Variants in MAST2 observed in about 807,000 individuals in gnomAD.
The protein encoded by MAST2 is microtubule-associated serine/threonine-protein kinase 2.
In MAST2, 70 loss-of-function variants were observed where a neutral mutation model predicts 147.4. The observed-to-expected ratio is 0.47, with a 90% confidence interval of 0.39 to 0.58. MAST2 has a LOEUF of 0.58. Among genes scored for constraint, MAST2 ranks in the 20% least tolerant of loss-of-function variants. The pLI is 0.00. For missense variants in MAST2, 2,080 were observed against 2,302.3 expected, an observed-to-expected ratio of 0.90 and a Z score of 1.98; for synonymous variants, 869 against 896.8, an observed-to-expected ratio of 0.97 and a Z score of 0.55.
intron 10 of MAST2, among the ~76,000 whole-genome samples, chr1:46,017,645 A>G (rs1309442927): frequency 6.6e-6 from 1 of 151,896 alleles, no homozygotes; most frequent in East Asian, 1.9e-4. Context: ...TTAGAATGGC[A>G]ATCATTAAAA....
At chr1:45,953,373 A>G (rs1331193188) in intron 4 of MAST2, among the ~76,000 whole-genome samples, 1 of 152,212 alleles carries the variant, frequency 6.6e-6, no homozygotes, top group Non-Finnish European at 1.5e-5. Flanking sequence ...GTGGAAATAC[A>G]TTCATTTGTT....
chr1:45,816,368 G>A (rs1644455869), intron 1 of MAST2, among the ~76,000 whole-genome samples: 1 of 152,122 alleles, frequency 6.6e-6, no homozygotes, highest in Non-Finnish European at 1.5e-5. Flanking sequence ...ATACCCACAA[G>A]CGTTAAGACC....
chr1:46,035,095 C>T lies in MAST2; in HGVS notation c.4426C>T (p.Arg1476Trp), dbSNP rs370355042. 1.6e-5 allele frequency: 26 copies of T among 1,613,504 alleles called. No individual in the cohort carries two copies. In the Middle Eastern group the frequency reaches 6.6e-4, roughly 41 times the overall value. ...GKGVLQPAPS[R>W]ALGTLRQDRA... The stretch of plus-strand genomic sequence containing the variant: ...GGGGGTGCTGCAGCCTGCTCCCTCA[C>T]GGGCCCTAGGCACCCTCCGGCAGGA... The change falls in exon 29 of 29, where the codon CGG becomes TGG. Residue 1476 changes from arginine to tryptophan, a missense_variant. By Grantham distance (101) the Arg-to-Trp change is moderately radical. Around this residue, in one of 4 missense-constraint regions of MAST2, gnomAD observed 1,278 missense variants for 1,304.2 expected, o/e 0.98. Coordinates refer to ENST00000361297, the MANE Select transcript of MAST2 (RefSeq NM_015112.3). The surrounding 1 kb of genome is among the most constrained non-coding windows in gnomAD (Gnocchi z 5.5).
chr1:45,959,314 C>T, intron 4 of MAST2, 72 bp from the exon 5 acceptor site: 1 of 1,264,608 alleles, frequency 7.9e-7, no homozygotes. Context: ...TCTTTAGTTC[C>T]TTAAAAACCA....
intron 1 of MAST2, among the ~76,000 whole-genome samples, chr1:45,805,483 A>G (rs889068252): frequency 2.0e-5 from 3 of 152,206 alleles, no homozygotes; most frequent in Non-Finnish European, 4.4e-5. Context: ...TCTTGCTGCA[A>G]TTTACTCCCC....
intron 1 of MAST2, among the ~76,000 whole-genome samples, chr1:45,812,871 A>G (rs1214665560): frequency 6.6e-6 from 1 of 152,112 alleles, no homozygotes; most frequent in Admixed American, 6.5e-5. Flanking sequence ...AGATGGCACT[A>G]CTCATTTACC....
chr1:45,860,116 G>C (rs997445851), intron 3 of MAST2, among the ~76,000 whole-genome samples: 23 of 152,098 alleles, frequency 1.5e-4, no homozygotes, highest in Middle Eastern at 3.4e-3. Context: ...CTGAGGTGGC[G>C]GGATGCTGAG....
intron 5 of MAST2, among the ~76,000 whole-genome samples, chr1:45,967,755 C>T (rs974790844): frequency 1.3e-5 from 2 of 152,222 alleles, no homozygotes; most frequent in Admixed American, 6.5e-5. Flanking sequence ...TAAGTGAACC[C>T]GTACAGTTCA....
At chr1:45,838,779 G>A (rs1191414712) in intron 3 of MAST2, among the ~76,000 whole-genome samples, 1 of 151,594 alleles carries the variant, frequency 6.6e-6, no homozygotes, top group Non-Finnish European at 1.5e-5. Flanking sequence ...CTAACAATGA[G>A]TAATTAGAAA....
At chr1:45,881,508 T>C (rs1646842539) in intron 3 of MAST2, among the ~76,000 whole-genome samples, 1 of 152,172 alleles carries the variant, frequency 6.6e-6, no homozygotes, top group Non-Finnish European at 1.5e-5. Context: ...TTAGGACTGG[T>C]GGGAGGTGGG....
At chr1:45,987,675 A>T (rs192992048) in intron 5 of MAST2, among the ~76,000 whole-genome samples, 22 of 126,038 alleles carry the variant, frequency 1.7e-4, no homozygotes, top group Non-Finnish European at 3.4e-4. Flanking sequence ...ATTGATTTCT[A>T]CTTTGGTCTT....
chr1:46,001,665 A>C (rs920327842), intron 6 of MAST2, among the ~76,000 whole-genome samples: 5 of 152,128 alleles, frequency 3.3e-5, no homozygotes, highest in Admixed American at 3.3e-4. Context: ...AGTCATGTGC[A>C]TGTGGCATGG....
At chr1:45,837,924 G>A (rs568420534) in intron 3 of MAST2, among the ~76,000 whole-genome samples, 4 of 152,140 alleles carry the variant, frequency 2.6e-5, no homozygotes, top group South Asian at 4.2e-4. Context: ...AATTACAGGC[G>A]CACGCCACCA....
At chr1:45,870,660 G>A (rs1646348126) in intron 3 of MAST2, among the ~76,000 whole-genome samples, 1 of 151,546 alleles carries the variant, frequency 6.6e-6, no homozygotes, top group African/African-American at 2.4e-5. Flanking sequence ...AGTGGCTCAT[G>A]CCTATAATCC....
chr1:46,027,619 T>A (rs1051557272), intron 16 of MAST2, 112 bp from the exon 17 acceptor site: 1 of 1,149,498 alleles, frequency 8.7e-7, no homozygotes, highest in African/African-American at 1.5e-5. Context: ...ACCCAGCTTG[T>A]GTCTCACAGT....
At chr1:45,959,345 G>C (rs1660077109) in intron 4 of MAST2, 41 bp from the exon 5 acceptor site, 4 of 1,496,172 alleles carry the variant, frequency 2.7e-6, no homozygotes, top group Non-Finnish European at 3.7e-6. Context: ...CTGGGCCCAT[G>C]GTGTGGCCCT....
chr1:45,960,873 A>G (rs1198403233), intron 5 of MAST2, among the ~76,000 whole-genome samples: 2 of 152,196 alleles, frequency 1.3e-5, no homozygotes, highest in African/African-American at 4.8e-5. Context: ...AAGCAGTGAA[A>G]TGGGTCAGCA....
intron 3 of MAST2, chr1:45,847,249 G>A (rs904198785): frequency 3.9e-6 from 2 of 512,480 alleles, no homozygotes; most frequent in African/African-American, 2.0e-5. Flanking sequence ...TGTCCCTCCC[G>A]CTCCATCGTC....
At chr1:45,903,543 A>G (rs1650164742) in intron 4 of MAST2, among the ~76,000 whole-genome samples, 2 of 152,054 alleles carry the variant, frequency 1.3e-5, no homozygotes, top group Admixed American at 1.3e-4. Context: ...CCTTAATCTC[A>G]TTGTTTACTG....
Sources: allele counts gnomAD v4.1 joint callset (sites outside exome capture counted in the v4.1 genomes callset), GRCh38; gene constraint gnomAD v4.1.1; regional missense constraint gnomAD v4.1.1; non-coding constraint Gnocchi (gnomAD v3.1); transcripts MANE v1.5; gene names NCBI Gene and HGNC (gene_info 2026-07-23, HGNC 2026-07-21).